The following ANK3 variants were observed in gnomAD, a reference collection of about 807,000 sequenced individuals.
ANK3 encodes ankyrin-3.
In ANK3, 57 loss-of-function variants were observed where a neutral mutation model predicts 370.9. The ratio of observed to expected loss-of-function variants is 0.15; its 90% CI spans 0.12 to 0.19. The LOEUF (loss-of-function observed/expected upper bound fraction) is 0.19, where lower values mean the gene tolerates loss of function less well. Ranked by LOEUF, ANK3 falls within the 10% of genes least tolerant of loss-of-function variation. ANK3 has a pLI of 1.00. For synonymous variants in ANK3, 1,929 were observed against 1,946.3 expected (o/e 0.99, Z 0.23); for missense variants, 4,439 against 5,302.1 (o/e 0.84, Z 5.06).
intron 1 of ANK3, among the ~76,000 whole-genome samples, chr10:60,666,654 G>T (rs570069609): frequency 2.0e-5 from 3 of 152,218 alleles, no homozygotes; most frequent in Admixed American, 2.0e-4. Context: ...GAAAAAAGAG[G>T]TGTGCATATA....
rs569059358 is a variant in ANK3, at chr10:60,489,348, T to C, written c.96+125838A>G. Among the ~76,000 whole-genome samples the C allele has an allele frequency of 1.1e-4, 16 of 152,350 alleles. No individual in the cohort carries two copies. In the South Asian group the frequency reaches 3.1e-3, roughly 30 times the overall value. The stretch of plus-strand genomic sequence containing the variant: ...AATACACTAGACATAGATTAGCTTT[T>C]ATGCTGTTAGTTATTATTACATGTT... On this transcript the variant is annotated intron_variant, in intron 2 of 43. Coordinates refer to the ANK3 transcript ENST00000373827.
At chr10:60,411,890 A>T (rs561319242) in intron 2 of ANK3, among the ~76,000 whole-genome samples, 35 of 152,292 alleles carry the variant, frequency 2.3e-4, no homozygotes, top group South Asian at 1.9e-3. Flanking sequence ...AGTCAAATTT[A>T]AAAAAATTAG....
chr10:60,454,609 G>C (rs2064698439), intron 2 of ANK3, among the ~76,000 whole-genome samples: 1 of 152,102 alleles, frequency 6.6e-6, no homozygotes, highest in Admixed American at 6.6e-5. Flanking sequence ...GACAAAAATA[G>C]GCCACCCTTT....
intron 1 of ANK3, among the ~76,000 whole-genome samples, chr10:60,712,877 T>C (rs2079729552): frequency 6.6e-6 from 1 of 152,174 alleles, no homozygotes; most frequent in Non-Finnish European, 1.5e-5. Context: ...GAGCATTATA[T>C]AATGATAAAA....
intron 43 of ANK3, 30 bp downstream of exon 43, chr10:60,042,642 C>T: frequency 1.9e-6 from 3 of 1,582,354 alleles, no homozygotes; most frequent in East Asian, 4.5e-5. Context: ...GAATTTAAGT[C>T]CTACTGTTGT....
At chr10:60,175,943 G>GGTTA (rs1196582253) in intron 18 of ANK3, among the ~76,000 whole-genome samples, 1 of 152,110 alleles carries the variant, frequency 6.6e-6, no homozygotes, top group Non-Finnish European at 1.5e-5. Flanking sequence ...TGACACATAG[G>GGTTA]GTTAGCTATT....
intron 2 of ANK3, among the ~76,000 whole-genome samples, chr10:60,477,876 G>T (rs893097675): frequency 4.6e-5 from 7 of 152,022 alleles, no homozygotes; most frequent in Non-Finnish European, 1.0e-4. Flanking sequence ...GGTTGCAAAT[G>T]AACAGATTGA....
rs1284597903 is a variant in ANK3 at position 60,072,859 on chromosome 10, C to A, written c.8022G>T (p.Glu2674Asp). ...CAGTCTGTTGGGAGAGAACCATCTT[C>A]TCTGGGCTGCTGGGCAGACTGGGTG... ...EKAPSLPSSP[E>D]KMVLSQQTED... The change falls in exon 37 of 44, where the codon GAG becomes GAT. Residue 2674 changes from glutamate (E) to aspartate (D), a missense_variant. By Grantham distance (45) the Glu-to-Asp change is conservative. Coordinates refer to ENST00000280772, the MANE Select transcript of ANK3 (RefSeq NM_020987.5). 1 of 1,614,114 alleles carries A rather than the reference C, an allele frequency of 6.2e-7. No individual in the cohort carries two copies.
intron 9 of ANK3, among the ~76,000 whole-genome samples, chr10:60,210,639 C>T (rs2132449695): frequency 6.6e-6 from 1 of 152,158 alleles, no homozygotes; most frequent in South Asian, 2.1e-4. Context: ...CAAAACTCCA[C>T]CAAAAAGCAG....
At chr10:60,282,303 C>A (rs759645746) in intron 1 of ANK3, among the ~76,000 whole-genome samples, 13 of 152,112 alleles carry the variant, frequency 8.5e-5, no homozygotes, top group African/African-American at 3.1e-4. Context: ...TTGAATTGAT[C>A]GCATATCTGG....
At chr10:60,345,301 T>C (rs1048297086) in intron 1 of ANK3, among the ~76,000 whole-genome samples, 2 of 152,202 alleles carry the variant, frequency 1.3e-5, no homozygotes, top group Admixed American at 6.5e-5. Flanking sequence ...ATTTCGTGCA[T>C]GTGTGTATGT....
At chr10:60,579,326 TAAAA>T (rs763281984) in intron 2 of ANK3, among the ~76,000 whole-genome samples, 235 of 69,004 alleles carry the variant, frequency 3.4e-3, no homozygotes, top group African/African-American at 0.012. Context: ...TCTCTCTCAA[TAAAA>T]AAAAAAAAAA....
At chr10:60,408,748 C>G (rs2063502388) in intron 2 of ANK3, among the ~76,000 whole-genome samples, 1 of 152,168 alleles carries the variant, frequency 6.6e-6, no homozygotes, top group East Asian at 1.9e-4. Flanking sequence ...CGAGTGCATA[C>G]ACAGAAAACG....
chr10:60,614,786 T>G (rs1270061816), intron 2 of ANK3, among the ~76,000 whole-genome samples: 1 of 152,198 alleles, frequency 6.6e-6, no homozygotes, highest in Non-Finnish European at 1.5e-5. Context: ...ATGTAGACTT[T>G]TCGGTTTAGC....
At chr10:60,475,090 T>C (rs1373518220) in intron 2 of ANK3, among the ~76,000 whole-genome samples, 1 of 152,182 alleles carries the variant, frequency 6.6e-6, no homozygotes, top group Non-Finnish European at 1.5e-5. Context: ...ATAAAATTTA[T>C]AAAACTTGCT....
chr10:60,182,060 T>C (rs1419092953), intron 17 of ANK3, among the ~76,000 whole-genome samples: 3 of 151,998 alleles, frequency 2.0e-5, no homozygotes, highest in African/African-American at 7.3e-5. Flanking sequence ...CATTTCAGTG[T>C]TCATCTACAA....
intron 2 of ANK3, chr10:60,572,871 T>C: frequency 9.6e-7 from 1 of 1,044,388 alleles, no homozygotes. Flanking sequence ...CCACAGTGAT[T>C]TGAGCCTGGA....
chr10:60,334,979 G>A (rs983648368), intron 1 of ANK3, among the ~76,000 whole-genome samples: 9 of 151,896 alleles, frequency 5.9e-5, no homozygotes, highest in African/African-American at 1.7e-4. Context: ...GGCTTTATAC[G>A]ACCTTATATT....
chr10:60,221,942 T>C (rs556234900), intron 8 of ANK3, among the ~76,000 whole-genome samples: 2 of 152,136 alleles, frequency 1.3e-5, no homozygotes, highest in Admixed American at 6.5e-5. Flanking sequence ...ATTATATTCT[T>C]TAGCCATTGT....
Sources: gnomAD v4.1 joint callset for allele counts (sites outside exome capture counted in the v4.1 genomes callset) on GRCh38, gnomAD v4.1.1 for gene constraint, MANE v1.5 for transcripts, NCBI Gene and HGNC (gene_info 2026-07-23, HGNC 2026-07-21) for gene names.